Variants in FHIP2A observed in about 807,000 individuals in gnomAD.
The protein encoded by FHIP2A is FHF complex subunit HOOK interacting protein 2A, also known as family with sequence similarity 160 member B1.
In FHIP2A, 46 loss-of-function variants were observed where a neutral mutation model predicts 93.5. The observed-to-expected ratio is 0.49, with a 90% CI of 0.39 to 0.63. The LOEUF (loss-of-function observed/expected upper bound fraction) is 0.63, where lower values mean the gene tolerates loss of function less well. Ranked by LOEUF, FHIP2A falls within the 20% of genes least tolerant of loss-of-function variation. The pLI is 0.00. For synonymous variants in FHIP2A, 332 were observed against 326.5 expected, an observed-to-expected ratio of 1.02 and a Z score of -0.18; for missense variants, 769 against 909.7, an observed-to-expected ratio of 0.85 and a Z score of 1.99.
chr10:114,861,419 G>GT lies in FHIP2A; in HGVS notation c.2193-10dup. On this transcript the variant is annotated splice_polypyrimidine_tract_variant and intron_variant, in intron 16 of 16. Coordinates refer to ENST00000369248, the MANE Select transcript of FHIP2A (RefSeq NM_020940.4). The stretch of plus-strand genomic sequence containing the variant: ...GCTATCTTGAATTGATTTATTGTCT[G>GT]TTTTTTCCTTACCAGTATTGACCAC... The GT allele has an allele frequency of 6.2e-7, 1 of 1,613,858 alleles. No homozygotes were observed. Among genetic ancestry groups the GT allele is most frequent in the Non-Finnish European group, 8.5e-7 (1 of 1,179,904 alleles).
intron 16 of FHIP2A, among the ~76,000 whole-genome samples, chr10:114,897,650 C>T (rs2084007315): frequency 6.6e-6 from 1 of 152,178 alleles, no homozygotes; most frequent in South Asian, 2.1e-4. Context: ...TTGGCACACC[C>T]TGTAATCCCA....
intron 13 of FHIP2A, 64 bp from the exon 14 acceptor site, chr10:114,855,133 T>C: frequency 1.3e-6 from 2 of 1,543,578 alleles, no homozygotes; most frequent in Non-Finnish European, 8.8e-7. Flanking sequence ...TTTAATGAAA[T>C]CATTTCTATT....
At chr10:114,850,232 T>A (rs2083726714) in intron 13 of FHIP2A, among the ~76,000 whole-genome samples, 1 of 152,204 alleles carries the variant, frequency 6.6e-6, no homozygotes, top group Admixed American at 6.5e-5. Flanking sequence ...CAGCAGTGTA[T>A]AAGGGTTCCA....
chr10:114,842,966 C>A lies in FHIP2A; in HGVS notation c.556C>A (p.Pro186Thr), dbSNP rs933794367. 2 of 1,607,984 alleles carry A rather than the reference C, an allele frequency of 1.2e-6. No homozygotes were observed. Among genetic ancestry groups the A allele is most frequent in the East Asian group, 2.2e-5 (1 of 44,808 alleles). The change falls in exon 6 of 17, where the codon CCA becomes ACA. Residue 186 changes from proline (P) to threonine (T), a missense_variant. By Grantham distance (38) the Pro-to-Thr change is conservative (BLOSUM62 -1). Coordinates refer to ENST00000369248, the MANE Select transcript of FHIP2A (RefSeq NM_020940.4). ...KMKSLASKGV[P>T]NVISEDTLKG... The stretch of plus-strand genomic sequence containing the variant: ...GAAATCATTGGCTTCCAAAGGAGTA[C>A]CAAATGTAATTTCAGAAGATACATT...
Position 114,843,010 on chromosome 10 carries a change from G to A in FHIP2A, c.600G>A (p.Leu200=), listed in dbSNP as rs147904968. 57 of 1,613,716 alleles carry A rather than the reference G, an allele frequency of 3.5e-5. No individual in the cohort carries two copies. The African/African-American group carries it at 6.9e-4, about 20-fold the overall frequency. Residue 200 remains leucine, a synonymous_variant, in exon 6 of 17, where the codon TTG becomes TTA. Coordinates refer to ENST00000369248, the MANE Select transcript of FHIP2A (RefSeq NM_020940.4). ...ATACATTAAAAGGTCAGGATTCCTT[G>A]TCAACAGATACAGGACAGTCCCGTC... The part of the protein sequence containing the change: ...SEDTLKGQDS[L]STDTGQSRQP...
At chr10:114,878,751 G>C (rs2083901855) in intron 16 of FHIP2A, among the ~76,000 whole-genome samples, 1 of 149,062 alleles carries the variant, frequency 6.7e-6, no homozygotes, top group Non-Finnish European at 1.5e-5. Flanking sequence ...CTGCACTCCA[G>C]CCTGGGTGAC....
At chr10:114,822,576 G>T (rs1165637092) in intron 1 of FHIP2A, among the ~76,000 whole-genome samples, 2 of 152,228 alleles carry the variant, frequency 1.3e-5, no homozygotes, top group Admixed American at 6.5e-5. Context: ...GCACCGCTTG[G>T]GCTTGGTTCT....
chr10:114,823,924 C>T (rs75609069), intron 1 of FHIP2A, among the ~76,000 whole-genome samples: 1,805 of 152,178 alleles, frequency 0.012, 39 homozygotes, highest in African/African-American at 0.041. Context: ...TTTAACCAAA[C>T]TCAAGTAAAA....
intron 16 of FHIP2A, among the ~76,000 whole-genome samples, chr10:114,896,224 T>C (rs2084000629): frequency 6.6e-6 from 1 of 151,596 alleles, no homozygotes; most frequent in South Asian, 2.1e-4. Context: ...TAGAAAACTA[T>C]AGAAACAAGC....
intron 16 of FHIP2A, among the ~76,000 whole-genome samples, chr10:114,880,636 C>T (rs1177850905): frequency 6.6e-5 from 10 of 151,506 alleles, no homozygotes; most frequent in African/African-American, 1.7e-4. Flanking sequence ...GCCGAGATCA[C>T]GCCACTGCAC....
At chr10:114,891,601 GTGTGT>G (rs1379718100) in intron 16 of FHIP2A, among the ~76,000 whole-genome samples, 3 of 148,150 alleles carry the variant, frequency 2.0e-5, no homozygotes, top group Non-Finnish European at 4.5e-5. Context: ...GTGTATATAT[GTGTGT>G]GTGTGTGTAT....
At position 114,835,645 on chromosome 10, in the gene FHIP2A, T is replaced by C; in HGVS notation, c.399+4T>C. 1 of 1,496,268 alleles carries C rather than the reference T, an allele frequency of 6.7e-7. No individual in the cohort carries two copies. The highest frequency in any genetic ancestry group is 9.1e-7 in the Non-Finnish European group (1 of 1,094,556). The allele number at this position is 1,496,268 out of a possible 1,614,324, so 92.7% of individuals were successfully genotyped here. A position where few individuals can be genotyped will look rare whatever the true frequency, so the allele number is the denominator to read the frequency against. Reference sequence around the variant, plus strand: ...TAACGTGCACAGGCCAGTGCAGGTATTTTGTTCCCCCTACATAAAATCATT... The same window carrying C: ...TAACGTGCACAGGCCAGTGCAGGTACTTTGTTCCCCCTACATAAAATCATT... On this transcript the variant is annotated splice_donor_region_variant and intron_variant, in intron 4 of 16. Coordinates refer to ENST00000369248, the MANE Select transcript of FHIP2A (RefSeq NM_020940.4).
In FHIP2A at chr10:114,821,790, G is replaced by T. The variant is rs1486985708; in HGVS notation, c.-289G>T. On this transcript the variant is annotated 5_prime_UTR_variant, in exon 1 of 17. Transcript: ENST00000369248. ...GGGGGGAAGGAACCCGAGCCGGGCT[G>T]CCACCGTGTCCCAACCGGTGCCGCC... 3 of 171,006 alleles carry T rather than the reference G, an allele frequency of 1.8e-5. No homozygotes were observed. The highest frequency in any genetic ancestry group is 4.8e-5 in the African/African-American group (2 of 41,828). The allele number at this position is 171,006 out of a possible 1,614,324, so 10.6% of individuals were successfully genotyped here.
At chr10:114,878,398 G>T (rs1349577771) in intron 16 of FHIP2A, among the ~76,000 whole-genome samples, 2 of 152,116 alleles carry the variant, frequency 1.3e-5, no homozygotes, top group African/African-American at 4.8e-5. Flanking sequence ...AAGAGGAGTG[G>T]GGGCAAAGTC....
At chr10:114,899,432 A>T (rs1326907845) in intron 16 of FHIP2A, 3 of 717,926 alleles carry the variant, frequency 4.2e-6, no homozygotes, top group Middle Eastern at 2.3e-4. Context: ...CTCAGGCTAC[A>T]TCCTCAGGGA....
intron 3 of FHIP2A, among the ~76,000 whole-genome samples, chr10:114,834,867 C>T (rs1441694912): frequency 1.3e-5 from 2 of 152,170 alleles, no homozygotes; most frequent in Non-Finnish European, 2.9e-5. Flanking sequence ...TGCAACCAAA[C>T]ATGGATGAAA....
At chr10:114,865,277 C>T (rs1219282051), downstream of FHIP2A, among the ~76,000 whole-genome samples, 5 of 152,094 alleles carry the variant, frequency 3.3e-5, no homozygotes, top group East Asian at 1.9e-4. Flanking sequence ...TGTGAGCCAC[C>T]GCGCCTGGCC....
chr10:114,845,935 C>G, intron 8 of FHIP2A, 78 bp from the exon 9 acceptor site: 1 of 1,139,230 alleles, frequency 8.8e-7, no homozygotes, highest in South Asian at 1.4e-5. Context: ...AGTTGGGAGT[C>G]CAAACTGATT....
At chr10:114,887,594 A>G (rs937748722) in intron 16 of FHIP2A, among the ~76,000 whole-genome samples, 7 of 152,260 alleles carry the variant, frequency 4.6e-5, no homozygotes, top group Non-Finnish European at 1.0e-4. Context: ...GCCACGGGCT[A>G]TGTTGCCGTT....
Sources: gnomAD v4.1 joint callset for allele counts (sites outside exome capture counted in the v4.1 genomes callset) on GRCh38, gnomAD v4.1.1 for gene constraint, MANE v1.5 for transcripts, NCBI Gene and HGNC (gene_info 2026-07-23, HGNC 2026-07-21) for gene names.